The following SEMA3D variants were observed in gnomAD, a reference collection of about 807,000 sequenced individuals.
SEMA3D encodes semaphorin 3D, also known as semaphorin-3D.
A neutral mutation model predicts 100.1 loss-of-function variants in SEMA3D; 84 were observed. The observed-to-expected ratio is 0.84, with a 90% CI of 0.70 to 1.01. The LOEUF (loss-of-function observed/expected upper bound fraction) is 1.01. SEMA3D is among the 50% of genes least tolerant of loss of function. SEMA3D has a pLI of 0.00. For synonymous variants in SEMA3D, 312 were observed against 320.7 expected (o/e 0.97, Z 0.29); for missense variants, 875 against 934.1 (o/e 0.94, Z 0.82).
intron 4 of SEMA3D, among the ~76,000 whole-genome samples, chr7:85,092,883 G>A (rs1788439114): frequency 6.6e-6 from 1 of 151,902 alleles, no homozygotes; most frequent in African/African-American, 2.4e-5. Flanking sequence ...ATAAACTCTT[G>A]TACAAGCAAA....
chr7:85,226,910 C>A, the SEMA3D span, among the ~76,000 whole-genome samples: 1 of 152,110 alleles, frequency 6.6e-6, no homozygotes, highest in Non-Finnish European at 1.5e-5. Flanking sequence ...ATCTATACAT[C>A]AGTGGATAAC....
At chr7:85,202,259 C>T in the SEMA3D span, among the ~76,000 whole-genome samples, 1 of 134,130 alleles carries the variant, frequency 7.5e-6, no homozygotes, top group Admixed American at 8.6e-5. Flanking sequence ...TTTCCTGTGT[C>T]CATGTGATCT....
In SEMA3D at chr7:85,020,313, T is replaced by A; in HGVS notation, c.1423A>T (p.Thr475Ser). Reference protein sequence around the residue: ...DVMFLGTDIGTVLKVVSISKE... With the variant: ...DVMFLGTDIGSVLKVVSISKE... ...GAAATGCTGACAACTTTGAGGACAG[T>A]TCCAATGTCTGAAAAAATGCATAAC... Residue 475 changes from threonine (T) to serine (S), a missense_variant, in exon 14 of 19, where the codon ACT becomes TCT. Coordinates refer to ENST00000284136, the MANE Select transcript of SEMA3D (RefSeq NM_001384900.1). The A allele has an allele frequency of 6.2e-7, 1 of 1,608,570 alleles. No individual in the cohort carries two copies. Among genetic ancestry groups the A allele is most frequent in the Non-Finnish European group, 8.5e-7 (1 of 1,176,192 alleles).
the SEMA3D span, among the ~76,000 whole-genome samples, chr7:85,234,329 C>T: frequency 3.9e-5 from 6 of 152,284 alleles, no homozygotes; most frequent in South Asian, 1.2e-3. Flanking sequence ...CAGTAAAGTG[C>T]TGGAAGAGAT....
rs1342443728 is a variant in SEMA3D, at chr7:85,186,833, A to C, written c.-328T>G. ...TGGCTGAGCAAGCGGAGCCGCCGGC[A>C]GCCCTGGCAGAGCCGGGAAGCTGCG... On this transcript the variant is annotated 5_prime_UTR_variant, in exon 1 of 19. Transcript: ENST00000284136. The C allele has an allele frequency of 6.6e-6, 1 of 152,162 alleles. No homozygotes were observed. The highest frequency in any genetic ancestry group is 1.5e-5 in the Non-Finnish European group (1 of 68,090). The allele number at this position is 152,162 out of a possible 1,614,324, so 9.4% of individuals were successfully genotyped here.
At chr7:85,237,674 A>G in the SEMA3D span, among the ~76,000 whole-genome samples, 1 of 152,060 alleles carries the variant, frequency 6.6e-6, no homozygotes, top group Non-Finnish European at 1.5e-5. Context: ...TTTTTTATCT[A>G]TTCATCCTAT....
At chr7:85,039,417 C>T (rs1317104961) in intron 11 of SEMA3D, among the ~76,000 whole-genome samples, 1 of 152,128 alleles carries the variant, frequency 6.6e-6, no homozygotes, top group Admixed American at 6.6e-5. Flanking sequence ...GCAACCACAC[C>T]TGGCTAATTT....
chr7:85,065,006 GGTCTTTAC>G (rs1791576144), intron 8 of SEMA3D, among the ~76,000 whole-genome samples: 1 of 152,104 alleles, frequency 6.6e-6, no homozygotes, highest in Non-Finnish European at 1.5e-5. Flanking sequence ...TACATGCCTT[GGTCTTTAC>G]ACAGACTGCA....
At chr7:85,042,016 C>G (rs1389848796) in intron 10 of SEMA3D, 155 bp downstream of exon 10, 1 of 649,442 alleles carries the variant, frequency 1.5e-6, no homozygotes, top group Non-Finnish European at 2.8e-6. Context: ...TAGAGCACTT[C>G]CGTGTACTTT....
chr7:85,061,786 T>C (rs1791485523), intron 8 of SEMA3D, among the ~76,000 whole-genome samples: 1 of 152,210 alleles, frequency 6.6e-6, no homozygotes, highest in African/African-American at 2.4e-5. Flanking sequence ...CCTGAATGAC[T>C]GAATCTCCTG....
the SEMA3D span, among the ~76,000 whole-genome samples, chr7:85,195,096 T>C: frequency 2.0e-5 from 3 of 152,196 alleles, no homozygotes; most frequent in African/African-American, 4.8e-5. Context: ...CTTTCTTCCA[T>C]TGGCATACAT....
At chr7:85,242,742 G>C in the SEMA3D span, among the ~76,000 whole-genome samples, 1 of 152,052 alleles carries the variant, frequency 6.6e-6, no homozygotes, top group Non-Finnish European at 1.5e-5. Flanking sequence ...TAAACATTAA[G>C]AATTAACTCT....
chr7:85,050,804 G>T (rs1456565928), intron 9 of SEMA3D: 3 of 471,476 alleles, frequency 6.4e-6, no homozygotes, highest in South Asian at 7.8e-5. Context: ...CTAATAAAAT[G>T]ACATATCTCT....
At chr7:85,162,381 A>G (rs1357983886) in intron 1 of SEMA3D, among the ~76,000 whole-genome samples, 1 of 152,166 alleles carries the variant, frequency 6.6e-6, no homozygotes, top group African/African-American at 2.4e-5. Context: ...GGAATCATTA[A>G]AAGTGAAATT....
chr7:85,055,997 T>G, intron 8 of SEMA3D, 138 bp from the exon 9 acceptor site: 1 of 487,200 alleles, frequency 2.1e-6, no homozygotes, highest in South Asian at 2.3e-5. Flanking sequence ...GGAAATGAGA[T>G]GTGTATACAA....
At position 85,153,628 on chromosome 7, in the gene SEMA3D, GT is replaced by G. The variant is rs1431688660; in HGVS notation, c.-62del. Reference sequence around the variant, plus strand: ...CTCACATAATTATTGAGGCTGATGAGTCCCAAGATCTGCAGTTGGTAAGGTG... The same window carrying G: ...CTCACATAATTATTGAGGCTGATGAGCCCAAGATCTGCAGTTGGTAAGGTG... On this transcript the variant is annotated 5_prime_UTR_variant, in exon 2 of 19. Coordinates refer to ENST00000284136, the MANE Select transcript of SEMA3D (RefSeq NM_001384900.1). The G allele has an allele frequency of 6.6e-6, 1 of 152,016 alleles. No homozygotes were observed. Among genetic ancestry groups the G allele is most frequent in the Non-Finnish European group, 1.5e-5 (1 of 68,054 alleles). The allele number at this position is 152,016 out of a possible 1,614,324, so 9.4% of individuals were successfully genotyped here. A position where few individuals can be genotyped will look rare whatever the true frequency, so the allele number is the denominator to read the frequency against.
chr7:85,072,350 A>G (rs1791798050), intron 6 of SEMA3D, among the ~76,000 whole-genome samples: 2 of 152,178 alleles, frequency 1.3e-5, no homozygotes, highest in Non-Finnish European at 2.9e-5. Context: ...AAATTATTAA[A>G]ATATTCTTTA....
At chr7:85,146,192 A>G (rs1790200388) in intron 2 of SEMA3D, among the ~76,000 whole-genome samples, 1 of 152,160 alleles carries the variant, frequency 6.6e-6, no homozygotes, top group Non-Finnish European at 1.5e-5. Context: ...TTCTTTAATG[A>G]GATATATACA....
chr7:85,040,396 G>T (rs886666264), intron 11 of SEMA3D, among the ~76,000 whole-genome samples: 4 of 152,026 alleles, frequency 2.6e-5, no homozygotes, highest in African/African-American at 9.7e-5. Flanking sequence ...TGCAACAGTA[G>T]GCATTTGGAA....
Sources: gnomAD v4.1 joint callset for allele counts (sites outside exome capture counted in the v4.1 genomes callset) on GRCh38, gnomAD v4.1.1 for gene constraint, MANE v1.5 for transcripts, NCBI Gene and HGNC (gene_info 2026-07-23, HGNC 2026-07-21) for gene names.